The following NXPH1 variants were observed in gnomAD, a reference collection of about 807,000 sequenced individuals.
NXPH1 encodes the protein neurexophilin 1, also known as neurexophilin-1.
A neutral mutation model predicts 23.7 loss-of-function variants in NXPH1; 5 were observed. That is an observed-to-expected ratio of 0.21 (90% CI 0.11 to 0.44). The LOEUF (loss-of-function observed/expected upper bound fraction) is 0.44. Among genes scored for constraint, NXPH1 ranks in the 20% least tolerant of loss-of-function variants. NXPH1 has a pLI of 0.99. For missense variants in NXPH1, 324 were observed against 321.6 expected, an observed-to-expected ratio of 1.01 and a Z score of -0.06; for synonymous variants, 144 against 122.2, an observed-to-expected ratio of 1.18 and a Z score of -1.18.
At chr7:8,474,761 T>C (rs1816940710) in intron 2 of NXPH1, among the ~76,000 whole-genome samples, 1 of 152,130 alleles carries the variant, frequency 6.6e-6, no homozygotes, top group African/African-American at 2.4e-5. Flanking sequence ...CTATACTTTT[T>C]CATGTCTCTT....
intron 2 of NXPH1, among the ~76,000 whole-genome samples, chr7:8,492,953 T>C (rs1817275244): frequency 6.6e-6 from 1 of 152,032 alleles, no homozygotes; most frequent in African/African-American, 2.4e-5. Context: ...GCCTTTTCTT[T>C]TGACTCTCCT....
chr7:8,686,651 G>A (rs1714105800), intron 2 of NXPH1, among the ~76,000 whole-genome samples: 2 of 152,126 alleles, frequency 1.3e-5, no homozygotes, highest in South Asian at 4.1e-4. Context: ...CTCCACAAAT[G>A]TGCTAAAGAC....
At chr7:8,561,799 A>G (rs1051487567) in intron 2 of NXPH1, among the ~76,000 whole-genome samples, 1 of 151,714 alleles carries the variant, frequency 6.6e-6, no homozygotes, top group African/African-American at 2.4e-5. Flanking sequence ...TATTTACATA[A>G]AAAGAGAGTG....
intron 2 of NXPH1, among the ~76,000 whole-genome samples, chr7:8,676,123 T>C (rs1384333734): frequency 6.6e-6 from 1 of 152,200 alleles, no homozygotes; most frequent in African/African-American, 2.4e-5. Context: ...GGAATTAACA[T>C]TTCAATGCAG....
At chr7:8,546,153 A>T (rs1020934202) in intron 2 of NXPH1, among the ~76,000 whole-genome samples, 1 of 151,278 alleles carries the variant, frequency 6.6e-6, no homozygotes, top group African/African-American at 2.4e-5. Flanking sequence ...AATTATTTTG[A>T]TGTGTTAAGT....
chr7:8,612,737 C>G (rs945676116), intron 2 of NXPH1, among the ~76,000 whole-genome samples: 1 of 152,028 alleles, frequency 6.6e-6, no homozygotes, highest in Non-Finnish European at 1.5e-5. Flanking sequence ...TCATTATACC[C>G]TTTTCCTGGC....
chr7:8,731,131 A>G (rs1367870444), intron 2 of NXPH1, among the ~76,000 whole-genome samples: 1 of 152,034 alleles, frequency 6.6e-6, no homozygotes, highest in East Asian at 1.9e-4. Context: ...AGTTGATCGC[A>G]TCGGCTCCTG....
chr7:8,689,317 T>C (rs1821192676), intron 2 of NXPH1, among the ~76,000 whole-genome samples: 2 of 47,194 alleles, frequency 4.2e-5, no homozygotes, highest in Middle Eastern at 0.01. Flanking sequence ...GCAGATGAAG[T>C]GAAAAAAAAA....
At chr7:8,506,182 T>C (rs1340701498) in intron 2 of NXPH1, among the ~76,000 whole-genome samples, 1 of 152,124 alleles carries the variant, frequency 6.6e-6, no homozygotes, top group African/African-American at 2.4e-5. Flanking sequence ...ATATTTCTAA[T>C]ACATTTGTTG....
intron 2 of NXPH1, among the ~76,000 whole-genome samples, chr7:8,623,320 C>G (rs1029962872): frequency 6.6e-6 from 1 of 151,988 alleles, no homozygotes; most frequent in Non-Finnish European, 1.5e-5. Flanking sequence ...ATAACTAACA[C>G]AAACTACAAA....
At chr7:8,579,454 C>A (rs1183751834) in intron 2 of NXPH1, among the ~76,000 whole-genome samples, 3 of 150,642 alleles carry the variant, frequency 2.0e-5, no homozygotes, top group African/African-American at 7.4e-5. Flanking sequence ...CTCACTGAAA[C>A]CTTTGCCTCC....
chr7:8,735,871 T>C (rs1024896413), intron 2 of NXPH1, among the ~76,000 whole-genome samples: 15 of 152,308 alleles, frequency 9.8e-5, no homozygotes, highest in Middle Eastern at 3.4e-3. Context: ...TGGGAGGGTG[T>C]ATGTGTCCAG....
chr7:8,723,368 A>G (rs757562230), intron 2 of NXPH1, among the ~76,000 whole-genome samples: 1 of 152,216 alleles, frequency 6.6e-6, no homozygotes, highest in Non-Finnish European at 1.5e-5. Context: ...AAAATGTAGA[A>G]TATGATGCTA....
chr7:8,685,726 T>C (rs1821136073), intron 2 of NXPH1, among the ~76,000 whole-genome samples: 1 of 151,914 alleles, frequency 6.6e-6, no homozygotes, highest in South Asian at 2.1e-4. Flanking sequence ...TTCCCACCAA[T>C]TGAACTCATC....
At chr7:8,574,322 C>G (rs1388872165) in intron 2 of NXPH1, among the ~76,000 whole-genome samples, 1 of 151,946 alleles carries the variant, frequency 6.6e-6, no homozygotes, top group Non-Finnish European at 1.5e-5. Flanking sequence ...CTATGTTGCC[C>G]AGGCTTGTCT....
In NXPH1 at chr7:8,436,359, G is replaced by A. The variant is rs141592121; in HGVS notation, c.54+592G>A. ...CAGCAAACATGTCCACCTTCCTCTC[G>A]TCTCGACCTCCCCTTTTCATCAAAT... On this transcript the variant is annotated intron_variant, in intron 2 of 2. Transcript: ENST00000405863. Among the ~76,000 whole-genome samples, 802 of 152,274 alleles carry A rather than the reference G, an allele frequency of 5.3e-3. 4 individuals carry two copies. The highest frequency in any genetic ancestry group is 0.018 in the African/African-American group (767 of 41,542).
chr7:8,668,710 C>T (rs567574081), intron 2 of NXPH1, among the ~76,000 whole-genome samples: 1 of 152,246 alleles, frequency 6.6e-6, no homozygotes, highest in Admixed American at 6.5e-5. Context: ...TAGAACAGGC[C>T]TGGAGCCTGA....
chr7:8,609,117 A>G (rs1271632054), intron 2 of NXPH1, among the ~76,000 whole-genome samples: 6 of 152,136 alleles, frequency 3.9e-5, no homozygotes, highest in Admixed American at 3.9e-4. Context: ...TGTGTGCATA[A>G]TTCATATATT....
intron 2 of NXPH1, among the ~76,000 whole-genome samples, chr7:8,596,322 C>G (rs1024995073): frequency 1.3e-5 from 2 of 152,020 alleles, no homozygotes; most frequent in African/African-American, 4.8e-5. Flanking sequence ...GATAAGAGTG[C>G]TTCAGAATTA....
Sources: gnomAD v4.1 joint callset for allele counts (sites outside exome capture counted in the v4.1 genomes callset) on GRCh38, gnomAD v4.1.1 for gene constraint, MANE v1.5 for transcripts, NCBI Gene and HGNC (gene_info 2026-07-23, HGNC 2026-07-21) for gene names.